Variants in TENT2 observed in about 807,000 individuals in gnomAD.
The protein encoded by TENT2 is poly(A) RNA polymerase GLD2.
In TENT2, 44 loss-of-function variants were observed where a neutral mutation model predicts 72.2. That is an observed-to-expected ratio of 0.61 (90% confidence interval 0.48 to 0.78). The LOEUF (loss-of-function observed/expected upper bound fraction) is 0.78. Among genes scored for constraint, TENT2 ranks in the 30% least tolerant of loss-of-function variants. The pLI is 0.00. For missense variants in TENT2, 541 were observed against 569.6 expected, an observed-to-expected ratio of 0.95 and a Z score of 0.51; for synonymous variants, 212 against 192.5, an observed-to-expected ratio of 1.10 and a Z score of -0.84.
At chr5:79,625,213 A>G (rs530504772) in intron 4 of TENT2, among the ~76,000 whole-genome samples, 2 of 152,296 alleles carry the variant, frequency 1.3e-5, no homozygotes, top group East Asian at 1.9e-4. Flanking sequence ...GGAAATGTCT[A>G]TTCATCTAGA....
At chr5:79,626,837 A>G (rs1199886868) in intron 4 of TENT2, among the ~76,000 whole-genome samples, 3 of 152,014 alleles carry the variant, frequency 2.0e-5, no homozygotes, top group South Asian at 2.1e-4. Flanking sequence ...GAATGAACGT[A>G]TAAGAACCTT....
chr5:79,658,376 A>C (rs1413805885), intron 11 of TENT2, among the ~76,000 whole-genome samples: 1 of 143,366 alleles, frequency 7.0e-6, no homozygotes, highest in Admixed American at 7.1e-5. Flanking sequence ...TTTTTTTCTT[A>C]GAGACGGTCT....
At chr5:79,621,699 A>G (rs1001498132) in intron 3 of TENT2, among the ~76,000 whole-genome samples, 2 of 150,920 alleles carry the variant, frequency 1.3e-5, no homozygotes, top group African/African-American at 2.4e-5. Context: ...TGGAGCTTAC[A>G]GTAAGCCAAG....
At chr5:79,653,687 T>C (rs1346528058) in intron 10 of TENT2, among the ~76,000 whole-genome samples, 1 of 152,176 alleles carries the variant, frequency 6.6e-6, no homozygotes, top group Admixed American at 6.5e-5. Context: ...CTAATGTGTA[T>C]CTCTATACTG....
chr5:79,628,894 G>C, intron 4 of TENT2, among the ~76,000 whole-genome samples: 1 of 152,168 alleles, frequency 6.6e-6, no homozygotes, highest in East Asian at 1.9e-4. Flanking sequence ...TGGATAGGCA[G>C]GCAGTTTGGC....
intron 11 of TENT2, among the ~76,000 whole-genome samples, chr5:79,664,428 C>T (rs1402296268): frequency 1.3e-5 from 2 of 152,060 alleles, no homozygotes; most frequent in Non-Finnish European, 2.9e-5. Context: ...AACCCCGTCT[C>T]TACTAAAAAT....
At chr5:79,660,680 G>T (rs1043501516) in intron 11 of TENT2, among the ~76,000 whole-genome samples, 1 of 152,134 alleles carries the variant, frequency 6.6e-6, no homozygotes, top group Non-Finnish European at 1.5e-5. Flanking sequence ...TCATAAGATG[G>T]TGATAGAGCT....
chr5:79,682,108 T>C, intron 14 of TENT2, 47 bp downstream of exon 14: 1 of 1,405,442 alleles, frequency 7.1e-7, no homozygotes, highest in South Asian at 1.2e-5. Context: ...TAGACTAGTA[T>C]GCTTTAAACA....
chr5:79,664,801 TAATA>T (rs1209467992), intron 11 of TENT2, among the ~76,000 whole-genome samples: 5 of 152,284 alleles, frequency 3.3e-5, no homozygotes, highest in African/African-American at 1.2e-4. Flanking sequence ...ACTAAACAGT[TAATA>T]AATCCTTACA....
chr5:79,663,595 A>G lies in TENT2; in HGVS notation c.1072-5297A>G, dbSNP rs150194665. Among the ~76,000 whole-genome samples the G allele has an allele frequency of 4.3e-3, 653 of 152,340 alleles. 6 individuals are homozygous for G. Among genetic ancestry groups the G allele is most frequent in the African/African-American group, 0.014 (579 of 41,584 alleles). ...CCTGCCAGTCAGTGGAGCAATTGGAATACACATAACATTTTTGATTAAGTT... is the reference window on the plus strand; with the variant it reads ...CCTGCCAGTCAGTGGAGCAATTGGAGTACACATAACATTTTTGATTAAGTT... On this transcript the variant is annotated intron_variant, in intron 11 of 14. Transcript: ENST00000453514.
chr5:79,621,215 A>G (rs1374348748), intron 3 of TENT2, among the ~76,000 whole-genome samples: 4 of 152,198 alleles, frequency 2.6e-5, no homozygotes, highest in African/African-American at 4.8e-5. Flanking sequence ...TGAGGTAGAT[A>G]CTATTATCCC....
At chr5:79,635,791 G>A (rs372247683) in intron 4 of TENT2, among the ~76,000 whole-genome samples, 4 of 152,184 alleles carry the variant, frequency 2.6e-5, no homozygotes, top group East Asian at 1.9e-4. Context: ...CCTGAGCTCC[G>A]GCAGTCCGCC....
chr5:79,640,523 TAAA>T (rs1783642702), intron 4 of TENT2, among the ~76,000 whole-genome samples: 1 of 152,166 alleles, frequency 6.6e-6, no homozygotes, highest in Non-Finnish European at 1.5e-5. Context: ...TTTAAAAATA[TAAA>T]AAAATTCTTT....
At chr5:79,675,055 A>G (rs1191270768) in intron 12 of TENT2, among the ~76,000 whole-genome samples, 2 of 152,228 alleles carry the variant, frequency 1.3e-5, no homozygotes, top group Non-Finnish European at 2.9e-5. Context: ...GAATAATTCA[A>G]TATGGATAAT....
rs1163827682 is a variant in TENT2, at chr5:79,679,527, A to G, written c.1209-52A>G. On this transcript the variant is annotated intron_variant, in intron 12 of 14. Coordinates refer to ENST00000453514, the MANE Select transcript of TENT2 (RefSeq NM_001114394.3). ...TTAGTATTGATACAATAAAAATAAT[A>G]TAAGAGAAATTATGAAAATAGTTAA... 5.2e-6 allele frequency: 7 copies of G among 1,341,886 alleles called. No individual in the cohort carries two copies. The East Asian group carries it at 1.2e-4, about 23-fold the overall frequency. 83.1% of individuals were successfully genotyped at this position (1,341,886 alleles called of 1,614,324 possible).
rs1756088738 is a variant in TENT2, at chr5:79,612,649, G to GGCC, written c.-463_-461dup. 1 of 152,882 alleles carries GGCC rather than the reference G, an allele frequency of 6.5e-6. No homozygotes were observed. The highest frequency in any genetic ancestry group is 6.5e-5 in the Admixed American group (1 of 15,280). 9.5% of individuals were successfully genotyped at this position (152,882 alleles called of 1,614,324 possible). A position where few individuals can be genotyped will look rare whatever the true frequency, so the allele number is the denominator to read the frequency against. On this transcript the variant is annotated 5_prime_UTR_variant, in exon 1 of 15. Transcript: ENST00000453514. ...CGGAGCTGGGCCTAGCTGTCCCACG[G>GGCC]GCCACCACTACCTCCTTTGGTTCGG...
chr5:79,622,810 C>T lies in TENT2; in HGVS notation c.228-442C>T, dbSNP rs557750335. ...TTTATAGCTTTATTGAAAAGTGTTT[C>T]TTAATTGGTCTTTCCTGCTGATGAG... On this transcript the variant is annotated intron_variant, in intron 3 of 14. Transcript: ENST00000453514. Among the ~76,000 whole-genome samples, 4 of 152,226 alleles carry T rather than the reference C, an allele frequency of 2.6e-5. No homozygotes were observed. The East Asian group carries it at 7.7e-4, about 29-fold the overall frequency.
At chr5:79,683,344 CCACCT>C (rs1245617598) in intron 14 of TENT2, among the ~76,000 whole-genome samples, 3 of 150,574 alleles carry the variant, frequency 2.0e-5, no homozygotes, top group Non-Finnish European at 4.4e-5. Context: ...CACACACACC[CCACCT>C]CACCTCACCC....
At chr5:79,632,924 G>A (rs557609235) in intron 4 of TENT2, among the ~76,000 whole-genome samples, 1 of 152,150 alleles carries the variant, frequency 6.6e-6, no homozygotes, top group South Asian at 2.1e-4. Flanking sequence ...GGTAATAGTA[G>A]GCGCCTAAAG....
Sources: gnomAD v4.1 joint callset for allele counts (sites outside exome capture counted in the v4.1 genomes callset) on GRCh38, gnomAD v4.1.1 for gene constraint, MANE v1.5 for transcripts, NCBI Gene and HGNC (gene_info 2026-07-23, HGNC 2026-07-21) for gene names.